Variants in ANXA2 observed in about 807,000 individuals in gnomAD.
ANXA2 encodes annexin II.
ANXA2 carries 28 observed loss-of-function variants against 47.3 expected under a neutral mutation model. The ratio of observed to expected loss-of-function variants is 0.59; its 90% confidence interval spans 0.44 to 0.81. The LOEUF (loss-of-function observed/expected upper bound fraction) is 0.81, where lower values mean the gene tolerates loss of function less well. Among genes scored for constraint, ANXA2 ranks in the 40% least tolerant of loss-of-function variants. The pLI is 0.00. For missense variants in ANXA2, 384 were observed against 414.3 expected (o/e 0.93, Z 0.64); for synonymous variants, 172 against 155.5 (o/e 1.11, Z -0.79).
In ANXA2 at chr15:60,357,208, A is replaced by G. The variant is rs772855748; in HGVS notation, c.386T>C (p.Ile129Thr). 7 of 1,614,076 alleles carry G rather than the reference A, an allele frequency of 4.3e-6. No homozygotes were observed. Among genetic ancestry groups the G allele is most frequent in the Admixed American group, 1.7e-5 (1 of 60,006 alleles). ...GTTGGTTCTGGAGCAGATGATCTCA[A>G]TGAGAGAGTCCTCGTCGGTTCCCAG... Reference protein sequence around the residue: ...KGLGTDEDSLIEIICSRTNQE... With the variant: ...KGLGTDEDSLTEIICSRTNQE... Residue 129 changes from isoleucine to threonine, a missense_variant, in exon 6 of 13, where the codon ATT (isoleucine) becomes ACT (threonine). By Grantham distance (89) the Ile-to-Thr change is moderately conservative (BLOSUM62 -1). Coordinates refer to ENST00000451270, the MANE Select transcript of ANXA2 (RefSeq NM_004039.3).
chr15:60,386,037 C>G lies in ANXA2; in HGVS notation c.39G>C (p.Leu13Phe). Residue 13 changes from leucine (L) to phenylalanine (F), a missense_variant, in exon 2 of 13, where the codon TTG becomes TTC. By Grantham distance (22) the Leu-to-Phe change is conservative. Coordinates refer to ENST00000451270, the MANE Select transcript of ANXA2 (RefSeq NM_004039.3). Reference sequence around the variant, plus strand: ...AAAGTGATATACTTACATCACCCTCCAAGCTGAGCTTGCACAGGATTTCGT... The same window carrying G: ...AAAGTGATATACTTACATCACCCTCGAAGCTGAGCTTGCACAGGATTTCGT... ...TVHEILCKLS[L>F]EGDHSTPPSA... 1.9e-6 allele frequency: 3 copies of G among 1,612,198 alleles called. No individual in the cohort carries two copies. The highest frequency in any genetic ancestry group is 2.5e-6 in the Non-Finnish European group (3 of 1,179,114).
intron 1 of ANXA2, chr15:60,396,151 A>T (rs1267976388): frequency 6.6e-6 from 1 of 152,190 alleles, no homozygotes; most frequent in Non-Finnish European, 1.5e-5. Flanking sequence ...TGTTGCTCAC[A>T]TTGGCCTTGG....
At chr15:60,356,886 T>G (rs1453355003) in intron 6 of ANXA2, among the ~76,000 whole-genome samples, 2 of 152,228 alleles carry the variant, frequency 1.3e-5, no homozygotes, top group Non-Finnish European at 2.9e-5. Context: ...AAAACAAGTT[T>G]TGTTTTCTCT....
rs1381748184 is a variant in ANXA2, at chr15:60,352,716, C to T, written c.589-240G>A. Among the ~76,000 whole-genome samples the T allele has an allele frequency of 7.2e-5, 11 of 152,144 alleles. No homozygotes were observed. The highest frequency in any genetic ancestry group is 7.2e-4 in the Admixed American group (11 of 15,272). On this transcript the variant is annotated intron_variant, in intron 8 of 12. Transcript: ENST00000451270. The surrounding 1 kb of genome is among the most constrained non-coding windows in gnomAD (Gnocchi z 4.2). ...CAGATAGTTCGTGAGGTCTGCTGTACAATCTCCTTCCTTGAATAAGAAAGG... is the reference window on the plus strand; with the variant it reads ...CAGATAGTTCGTGAGGTCTGCTGTATAATCTCCTTCCTTGAATAAGAAAGG...
intron 6 of ANXA2, 115 bp downstream of exon 6, chr15:60,357,031 G>T: frequency 4.7e-6 from 4 of 859,430 alleles, no homozygotes. Context: ...AAGGTGGCAG[G>T]CACTTCTGCA....
chr15:60,351,411 T>C, intron 10 of ANXA2, 160 bp from the exon 11 acceptor site: 1 of 721,870 alleles, frequency 1.4e-6, no homozygotes, highest in East Asian at 2.7e-5. Context: ...AGAAATCCTC[T>C]GCAATACTAA....
chr15:60,362,653 C>A (rs988165032), intron 4 of ANXA2: 1 of 152,114 alleles, frequency 6.6e-6, no homozygotes, highest in Non-Finnish European at 1.5e-5. Flanking sequence ...CACAAACAGC[C>A]GATTGTTTCA....
At chr15:60,357,874 G>C (rs1434235353) in intron 5 of ANXA2, among the ~76,000 whole-genome samples, 7 of 151,362 alleles carry the variant, frequency 4.6e-5, no homozygotes, top group Non-Finnish European at 8.8e-5. Flanking sequence ...GCCTTTTGCT[G>C]TGGGTAGATA....
At chr15:60,372,290 A>C (rs954666281) in intron 3 of ANXA2, among the ~76,000 whole-genome samples, 2 of 152,108 alleles carry the variant, frequency 1.3e-5, no homozygotes, top group African/African-American at 2.4e-5. Flanking sequence ...GGTTGTACTA[A>C]TGAGGAAACC....
chr15:60,397,896 C>T (rs769309539), intron 1 of ANXA2, 47 bp downstream of exon 1: 2 of 1,350,574 alleles, frequency 1.5e-6, no homozygotes, highest in Admixed American at 3.4e-5. Flanking sequence ...CTCCACACCC[C>T]GCTAGCTGGC....
intron 1 of ANXA2, chr15:60,392,941 C>T (rs2063032545): frequency 1.3e-6 from 1 of 753,178 alleles, no homozygotes; most frequent in Non-Finnish European, 1.6e-6. Flanking sequence ...GAATTTTAAA[C>T]TAAAAAAAAA....
intron 1 of ANXA2, among the ~76,000 whole-genome samples, chr15:60,394,423 G>A (rs2063053766): frequency 6.6e-6 from 1 of 151,788 alleles, no homozygotes; most frequent in African/African-American, 2.4e-5. Flanking sequence ...GGTGGGCCAG[G>A]CATAGTGGCT....
rs1467511429 is a variant in ANXA2, at chr15:60,366,811, G to GC, written c.149-2289_149-2288insG. Among the ~76,000 whole-genome samples the GC allele has an allele frequency of 2.0e-3, 252 of 126,946 alleles. 3 individuals are homozygous for GC. Among genetic ancestry groups the GC allele is most frequent in the African/African-American group, 8.1e-3 (231 of 28,514 alleles). 83.3% of individuals were successfully genotyped at this position (126,946 alleles called of 152,430 possible). On this transcript the variant is annotated intron_variant, in intron 3 of 12. Coordinates refer to ENST00000451270, the MANE Select transcript of ANXA2 (RefSeq NM_004039.3). ...CCGTCCGGGAGGGAGGCGGGGGGGG[G>GC]GGGGGTCGGCCAGCCGCCCCGTCCG...
chr15:60,393,585 A>G, intron 1 of ANXA2: 1 of 985,450 alleles, frequency 1.0e-6, no homozygotes, highest in Non-Finnish European at 1.2e-6. Flanking sequence ...TCTTCTCCAA[A>G]CACGCTCAGC....
At chr15:60,377,234 T>C (rs2062792762) in intron 3 of ANXA2, among the ~76,000 whole-genome samples, 1 of 152,220 alleles carries the variant, frequency 6.6e-6, no homozygotes, top group South Asian at 2.1e-4. Flanking sequence ...TAAGTGGTTT[T>C]AGTTATCCAG....
At chr15:60,370,371 A>G (rs942328958) in intron 3 of ANXA2, among the ~76,000 whole-genome samples, 2 of 152,208 alleles carry the variant, frequency 1.3e-5, no homozygotes, top group African/African-American at 4.8e-5. Context: ...GGAAAGAGGA[A>G]AAAATCATGG....
At chr15:60,390,384 C>T (rs1295601748) in intron 1 of ANXA2, 1 of 668,444 alleles carries the variant, frequency 1.5e-6, no homozygotes, top group African/African-American at 1.9e-5. Context: ...GTGAACATTC[C>T]TAAAACCCAC....
intron 3 of ANXA2, among the ~76,000 whole-genome samples, chr15:60,378,330 T>C (rs896699626): frequency 2.6e-5 from 4 of 152,214 alleles, no homozygotes; most frequent in Non-Finnish European, 2.9e-5. Context: ...AATAAAGATG[T>C]TGAAAATTAT....
At chr15:60,392,851 G>A (rs1162150083) in intron 1 of ANXA2, among the ~76,000 whole-genome samples, 1 of 152,008 alleles carries the variant, frequency 6.6e-6, no homozygotes, top group Non-Finnish European at 1.5e-5. Flanking sequence ...ATGGGTAGAG[G>A]TGGGAGTGTG....
Sources: gnomAD v4.1 joint callset for allele counts (sites outside exome capture counted in the v4.1 genomes callset) on GRCh38, gnomAD v4.1.1 for gene constraint, Gnocchi (gnomAD v3.1) non-coding constraint, MANE v1.5 for transcripts, NCBI Gene and HGNC (gene_info 2026-07-23, HGNC 2026-07-21) for gene names.